Variants in OCSTAMP observed in about 807,000 individuals in gnomAD.
OCSTAMP encodes osteoclast stimulatory transmembrane protein, also known as transmembrane protein C20orf123.
Under a neutral mutation model 25.2 loss-of-function variants are expected in OCSTAMP, and 17 were observed. The observed-to-expected ratio is 0.68, with a 90% CI of 0.46 to 1.01. OCSTAMP has a LOEUF of 1.01. OCSTAMP is among the 50% of genes least tolerant of loss of function. OCSTAMP has a pLI of 0.00. For missense variants in OCSTAMP, 664 were observed against 694.6 expected, an observed-to-expected ratio of 0.96 and a Z score of 0.50; for synonymous variants, 345 against 318.9, an observed-to-expected ratio of 1.08 and a Z score of -0.87.
intron 1 of OCSTAMP, among the ~76,000 whole-genome samples, chr20:46,549,920 C>T (rs1216326262): frequency 2.6e-5 from 4 of 151,832 alleles, no homozygotes; most frequent in East Asian, 1.9e-4. Context: ...GGTTAGAGCT[C>T]CCACCTTTGC....
intron 1 of OCSTAMP, among the ~76,000 whole-genome samples, chr20:46,546,905 C>T (rs769717087): frequency 1.3e-5 from 2 of 151,830 alleles, no homozygotes; most frequent in Non-Finnish European, 2.9e-5. Flanking sequence ...TATCAAGCAA[C>T]GACTTTGTGT....
Position 46,550,515 on chromosome 20 carries a change from A to T in OCSTAMP, c.44+2T>A, listed in dbSNP as rs1568899641. 30 of 1,551,382 alleles carry T rather than the reference A, an allele frequency of 1.9e-5. No homozygotes were observed. Among genetic ancestry groups the T allele is most frequent in the Non-Finnish European group, 2.4e-5 (28 of 1,146,826 alleles). ...CTCAGTGTCCAAAGTCCCCAGACCT[A>T]CCCGGTCTTGACAAGTTGCTCAGCT... On this transcript the variant is annotated splice_donor_variant, in intron 1 of 2. Transcript: ENST00000279028. LOFTEE classifies it high-confidence loss of function.
At chr20:46,541,963 G>T in intron 2 of OCSTAMP, 36 bp from the exon 3 acceptor site, 1 of 1,407,914 alleles carries the variant, frequency 7.1e-7, no homozygotes, top group South Asian at 1.7e-5. Context: ...TCAACTGAGG[G>T]CCTCTCTGGC....
In OCSTAMP at chr20:46,546,323, C is replaced by T. The variant is rs1204973784; in HGVS notation, c.51G>A (p.Arg17=). The T allele has an allele frequency of 1.9e-6, 3 of 1,547,634 alleles. No homozygotes were observed. The highest frequency in any genetic ancestry group is 2.6e-6 in the Non-Finnish European group (3 of 1,145,816). The change falls in exon 2 of 3, where the codon AGG becomes AGA. Residue 17 remains arginine (R), a synonymous_variant. Coordinates refer to ENST00000279028, the MANE Select transcript of OCSTAMP (RefSeq NM_080721.3). The stretch of plus-strand genomic sequence containing the variant: ...CCTTCCAGAACCCCAAGTGCCAGGA[C>T]CTCCACCTGCACACAAGGAAATTGA... ...AAEQLVKTGW[R]SWHLGFWKAL...
chr20:46,546,208 C>T lies in OCSTAMP; in HGVS notation c.166G>A (p.Ala56Thr). ...CCTGCAGCAGCAGCAGCCAGGGAGG[C>T]ACACAGGAGGAGCTGGGTCAGCAGC... ...GQLLTQLLLC[A>T]SLAAAAAGLV... Residue 56 changes from alanine (A) to threonine (T), a missense_variant, in exon 2 of 3, where the codon GCC becomes ACC. Transcript: ENST00000279028. 12 of 1,551,816 alleles carry T rather than the reference C, an allele frequency of 7.7e-6. No individual in the cohort carries two copies. Among genetic ancestry groups the T allele is most frequent in the Non-Finnish European group, 1.0e-5 (12 of 1,147,046 alleles).
Position 46,541,259 on chromosome 20 carries a change from A to G in OCSTAMP, c.*15T>C, listed in dbSNP as rs201890675. Reference sequence around the variant, plus strand: ...CTGCACTCCTTGTCTTCGCCTTTGCATGGTTCTTTACCGGTTATCCAGGCC... The same window carrying G: ...CTGCACTCCTTGTCTTCGCCTTTGCGTGGTTCTTTACCGGTTATCCAGGCC... On this transcript the variant is annotated 3_prime_UTR_variant, in exon 3 of 3. Transcript: ENST00000279028. The G allele has an allele frequency of 2.3e-4, 166 of 717,324 alleles. 2 individuals carry two copies. In the Middle Eastern group the frequency reaches 4.6e-3, roughly 20 times the overall value. 44.4% of individuals were successfully genotyped at this position (717,324 alleles called of 1,614,324 possible). A position where few individuals can be genotyped will look rare whatever the true frequency, so the allele number is the denominator to read the frequency against.
chr20:46,545,162 T>G (rs2061846833), intron 2 of OCSTAMP, among the ~76,000 whole-genome samples, 165 bp downstream of exon 2: 1 of 152,126 alleles, frequency 6.6e-6, no homozygotes, highest in African/African-American at 2.4e-5. Context: ...AGAGCTGTTG[T>G]GGGTATCCGA....
intron 2 of OCSTAMP, 122 bp downstream of exon 2, chr20:46,545,205 G>A: frequency 9.2e-7 from 1 of 1,092,182 alleles, no homozygotes; most frequent in Non-Finnish European, 1.3e-6. Flanking sequence ...GGGGCCCCAT[G>A]GATGATTCAA....
Position 46,545,344 on chromosome 20 carries a change from G to A in OCSTAMP, c.1030C>T (p.Leu344Phe). 3.4e-6 allele frequency: 5 copies of A among 1,478,618 alleles called. No individual in the cohort carries two copies. Among genetic ancestry groups the A allele is most frequent in the Non-Finnish European group, 4.5e-6 (5 of 1,114,750 alleles). 91.6% of individuals were successfully genotyped at this position (1,478,618 alleles called of 1,614,324 possible). A position where few individuals can be genotyped will look rare whatever the true frequency, so the allele number is the denominator to read the frequency against. Residue 344 changes from leucine to phenylalanine, a missense_variant, in exon 2 of 3, where the codon CTC becomes TTC. Coordinates refer to ENST00000279028, the MANE Select transcript of OCSTAMP (RefSeq NM_080721.3). ...AQKLPTVPIT[L>F]TVKYDVAYTV... is the part of the protein sequence containing the mutation. ...ACACTTACATCATACTTGACCGTGAGCGTGATGGGCACAGTTGGCAACTTC... is the reference window on the plus strand; with the variant it reads ...ACACTTACATCATACTTGACCGTGAACGTGATGGGCACAGTTGGCAACTTC...
intron 1 of OCSTAMP, 40 bp from the exon 2 acceptor site, chr20:46,546,369 TG>T: frequency 7.6e-7 from 1 of 1,316,752 alleles, no homozygotes; most frequent in Non-Finnish European, 1.1e-6. Flanking sequence ...TATCAGGAGG[TG>T]GGTGGGTGGG....
At chr20:46,548,969 G>T (rs79335285) in intron 1 of OCSTAMP, among the ~76,000 whole-genome samples, 1 of 152,306 alleles carries the variant, frequency 6.6e-6, no homozygotes, top group East Asian at 1.9e-4. Flanking sequence ...CCACCATGTA[G>T]TATGAGTCGG....
At chr20:46,548,038 A>G (rs375815531) in intron 1 of OCSTAMP, among the ~76,000 whole-genome samples, 8 of 152,290 alleles carry the variant, frequency 5.3e-5, no homozygotes, top group African/African-American at 1.9e-4. Context: ...GGAAATAGGT[A>G]CAGATGATGG....
rs1405604033 is a variant in OCSTAMP, at chr20:46,545,950, C to T, written c.424G>A (p.Val142Met). The change falls in exon 2 of 3, where the codon GTG (valine) becomes ATG (methionine). Residue 142 changes from valine to methionine, a missense_variant. Transcript: ENST00000279028. ...IAVVPNVLANVGAAGQVLRCV... is the reference protein window; with the variant it reads ...IAVVPNVLANMGAAGQVLRCV... The stretch of plus-strand genomic sequence containing the variant: ...CTCAGCACCTGCCCGGCCGCACCCA[C>T]GTTGGCCAGGACGTTGGGCACCACA... 5.8e-6 allele frequency: 9 copies of T among 1,551,286 alleles called. No homozygotes were observed. The highest frequency in any genetic ancestry group is 2.7e-5 in the African/African-American group (2 of 73,072).
Position 46,541,286 on chromosome 20 carries a change from A to G in OCSTAMP, c.1689T>C (p.Asp563=). 1 of 723,008 alleles carries G rather than the reference A, an allele frequency of 1.4e-6. No individual in the cohort carries two copies. Among genetic ancestry groups the G allele is most frequent in the Non-Finnish European group, 2.6e-6 (1 of 389,120 alleles). The allele number at this position is 723,008 out of a possible 1,614,324, so 44.8% of individuals were successfully genotyped here. Reference sequence around the variant, plus strand: ...GGTTCTTTACCGGTTATCCAGGCCTATCATGCCCAGTATTTCCTTCCATCC... The same window carrying G: ...GGTTCTTTACCGGTTATCCAGGCCTGTCATGCCCAGTATTTCCTTCCATCC... The part of the protein sequence containing the change: ...VVRMEGNTGH[D]RPG The change falls in exon 3 of 3, where the codon GAT becomes GAC. Residue 563 remains aspartate, a synonymous_variant. Coordinates refer to ENST00000279028, the MANE Select transcript of OCSTAMP (RefSeq NM_080721.3).
Position 46,545,308 on chromosome 20 carries a change from T to G in OCSTAMP, c.1047+19A>C. 4.1e-6 allele frequency: 6 copies of G among 1,447,534 alleles called. No individual in the cohort carries two copies. The highest frequency in any genetic ancestry group is 5.5e-6 in the Non-Finnish European group (6 of 1,098,318). The allele number at this position is 1,447,534 out of a possible 1,614,324, so 89.7% of individuals were successfully genotyped here. A position where few individuals can be genotyped will look rare whatever the true frequency, so the allele number is the denominator to read the frequency against. ...CTCAAAACAATGACTCCCTTCCCTTTTCCCATCATCACACTTACATCATAC... is the reference window on the plus strand; with the variant it reads ...CTCAAAACAATGACTCCCTTCCCTTGTCCCATCATCACACTTACATCATAC... On this transcript the variant is annotated intron_variant, in intron 2 of 2. Transcript: ENST00000279028.
rs747349765 is a variant in OCSTAMP at position 46,546,090 on chromosome 20, C to T, written c.284G>A (p.Ser95Asn). ...ATVCGLLVFLSLGLVPPVRCL... is the reference protein window; with the variant it reads ...ATVCGLLVFLNLGLVPPVRCL... ...GCGGACTGGGGGTACCAGGCCCAGG[C>T]TCAGGAAGACCAGGAGGCCACAGAC... The change falls in exon 2 of 3, where the codon AGC becomes AAC. Residue 95 changes from serine (S) to asparagine (N), a missense_variant. By Grantham distance (46) the Ser-to-Asn change is conservative. Transcript: ENST00000279028. 3.3e-5 allele frequency: 51 copies of T among 1,551,534 alleles called. No homozygotes were observed. The South Asian group carries it at 5.2e-4, about 16-fold the overall frequency.
chr20:46,549,432 A>G (rs1390953369), intron 1 of OCSTAMP, among the ~76,000 whole-genome samples: 1 of 152,222 alleles, frequency 6.6e-6, no homozygotes, highest in Non-Finnish European at 1.5e-5. Flanking sequence ...GGAGACTTAA[A>G]TAGACCATTA....
chr20:46,547,000 G>A (rs1259140201), intron 1 of OCSTAMP, among the ~76,000 whole-genome samples: 1 of 152,212 alleles, frequency 6.6e-6, no homozygotes, highest in Non-Finnish European at 1.5e-5. Context: ...TGGCAGAGGA[G>A]TAGTAAGGAA....
chr20:46,544,955 C>G (rs922476900), intron 2 of OCSTAMP, among the ~76,000 whole-genome samples: 1 of 152,174 alleles, frequency 6.6e-6, no homozygotes, highest in East Asian at 1.9e-4. Flanking sequence ...TTACTAGGTA[C>G]TTTAAGACAA....
Sources: gnomAD v4.1 joint callset for allele counts (sites outside exome capture counted in the v4.1 genomes callset) on GRCh38, gnomAD v4.1.1 for gene constraint, MANE v1.5 for transcripts, NCBI Gene and HGNC (gene_info 2026-07-23, HGNC 2026-07-21) for gene names.